CNTN5: variants seen among roughly 807,000 people sequenced by gnomAD.
CNTN5 encodes the protein contactin-5.
A neutral mutation model predicts 129.1 loss-of-function variants in CNTN5; 77 were observed. The ratio of observed to expected loss-of-function variants is 0.60; its 90% CI spans 0.50 to 0.72. The LOEUF is 0.72. CNTN5 is among the 30% of genes least tolerant of loss of function. The probability of loss-of-function intolerance (pLI) is 0.00; values close to 1 mark genes in which losing one functional copy is unlikely to be tolerated. For synonymous variants in CNTN5, 509 were observed against 465.6 expected, an observed-to-expected ratio of 1.09 and a Z score of -1.20; for missense variants, 1,478 against 1,328.8, an observed-to-expected ratio of 1.11 and a Z score of -1.75.
intron 8 of CNTN5, among the ~76,000 whole-genome samples, chr11:99,959,768 AT>A (rs199973243): frequency 0.016 from 2,429 of 152,336 alleles, 27 homozygotes; most frequent in Non-Finnish European, 0.024. Flanking sequence ...TAAGGTTGAC[AT>A]TTAACAAAAA....
intron 2 of CNTN5, among the ~76,000 whole-genome samples, chr11:99,471,944 T>A (rs553269596): frequency 1.3e-5 from 2 of 152,168 alleles, no homozygotes; most frequent in African/African-American, 4.8e-5. Flanking sequence ...TTGAATGAAT[T>A]AAGTTTCTAT....
chr11:100,111,108 A>G (rs1199266536), intron 13 of CNTN5, among the ~76,000 whole-genome samples: 13 of 152,128 alleles, frequency 8.5e-5, no homozygotes, highest in Admixed American at 8.5e-4. Context: ...GGAGAAATAC[A>G]TTGGATTTAA....
chr11:99,255,507 A>G (rs1862334036), intron 1 of CNTN5, among the ~76,000 whole-genome samples: 1 of 151,434 alleles, frequency 6.6e-6, no homozygotes, highest in Non-Finnish European at 1.5e-5. Flanking sequence ...TTAATTAAAT[A>G]AATACTTTAG....
intron 2 of CNTN5, among the ~76,000 whole-genome samples, chr11:99,552,207 G>GTTTTTTTTTT (rs758718492): frequency 2.7e-5 from 4 of 146,704 alleles, no homozygotes; most frequent in African/African-American, 1.0e-4. Context: ...CACCTGGTCA[G>GTTTTTTTTTT]TTTTTGTGTT....
At chr11:99,460,438 A>G (rs1944653658) in intron 2 of CNTN5, among the ~76,000 whole-genome samples, 1 of 151,950 alleles carries the variant, frequency 6.6e-6, no homozygotes, top group South Asian at 2.1e-4. Flanking sequence ...ATTTTCAGGA[A>G]AGACATATTT....
intron 1 of CNTN5, among the ~76,000 whole-genome samples, chr11:99,316,921 C>T (rs922264): frequency 0.15 from 22,092 of 152,094 alleles, 1,806 homozygotes; most frequent in South Asian, 0.24. Flanking sequence ...ACTCGACTGA[C>T]AGTACCTTCC....
chr11:100,147,805 A>T (rs926094254), intron 13 of CNTN5, among the ~76,000 whole-genome samples: 1 of 151,872 alleles, frequency 6.6e-6, no homozygotes, highest in African/African-American at 2.4e-5. Context: ...TGCTAATTTT[A>T]CCTTATGGTG....
Position 100,178,785 on chromosome 11 carries a change from T to G in CNTN5, c.1581-12341T>G, listed in dbSNP as rs551512233. 6.6e-4 allele frequency among the ~76,000 whole-genome samples: 101 copies of G among 152,296 alleles called. No individual in the cohort carries two copies. The Middle Eastern group carries it at 0.017, about 26-fold the overall frequency. On this transcript the variant is annotated intron_variant, in intron 13 of 24. Coordinates refer to ENST00000524871, the MANE Select transcript of CNTN5 (RefSeq NM_014361.4). ...ACAGTTTGATTTGGGATATTCTATTTTTCTCTATCTTGGTCACTGGAGAGG... is the reference window on the plus strand; with the variant it reads ...ACAGTTTGATTTGGGATATTCTATTGTTCTCTATCTTGGTCACTGGAGAGG...
At chr11:99,552,935 C>T (rs1050715555) in intron 2 of CNTN5, among the ~76,000 whole-genome samples, 6 of 152,046 alleles carry the variant, frequency 3.9e-5, no homozygotes, top group African/African-American at 1.4e-4. Context: ...TGACTTACTT[C>T]GTAGACATAT....
intron 9 of CNTN5, among the ~76,000 whole-genome samples, chr11:100,008,973 A>G (rs553079317): frequency 1.3e-5 from 2 of 152,236 alleles, no homozygotes; most frequent in Admixed American, 6.5e-5. Flanking sequence ...GAGCGTGCAT[A>G]TTAGTGCAGC....
intron 10 of CNTN5, among the ~76,000 whole-genome samples, chr11:100,063,838 T>G (rs1943587069): frequency 6.6e-6 from 1 of 152,038 alleles, no homozygotes. Context: ...GGTGAACCAT[T>G]ATAGTGCCTC....
At chr11:99,497,846 G>T (rs187928444) in intron 2 of CNTN5, among the ~76,000 whole-genome samples, 2 of 152,268 alleles carry the variant, frequency 1.3e-5, no homozygotes, top group East Asian at 3.9e-4. Flanking sequence ...AAAACTGCTT[G>T]TTAAATACAC....
chr11:99,122,165 T>C (rs568679152), intron 1 of CNTN5, among the ~76,000 whole-genome samples: 11 of 152,012 alleles, frequency 7.2e-5, no homozygotes, highest in Non-Finnish European at 1.6e-4. Flanking sequence ...TGTTCTTTTT[T>C]CTTCTTGCTA....
At chr11:99,040,213 T>C (rs573724517) in intron 1 of CNTN5, among the ~76,000 whole-genome samples, 4 of 151,990 alleles carry the variant, frequency 2.6e-5, no homozygotes, top group South Asian at 4.2e-4. Context: ...GAGATAAAGA[T>C]AGGAAAAATA....
intron 3 of CNTN5, among the ~76,000 whole-genome samples, chr11:99,576,426 T>C (rs916179604): frequency 1.3e-5 from 2 of 152,190 alleles, no homozygotes; most frequent in African/African-American, 4.8e-5. Context: ...TACTTGGATA[T>C]TTTCTCCTTA....
chr11:99,601,883 A>G (rs1591346127), intron 3 of CNTN5, among the ~76,000 whole-genome samples: 1 of 152,326 alleles, frequency 6.6e-6, no homozygotes, highest in South Asian at 2.1e-4. Context: ...TTTGCTCAAT[A>G]GTAGAGAGTA....
intron 9 of CNTN5, 131 bp downstream of exon 9, chr11:100,002,267 A>G: frequency 1.8e-6 from 1 of 563,590 alleles, no homozygotes; most frequent in Non-Finnish European, 3.0e-6. Flanking sequence ...TTTCTAAAAG[A>G]AGGTCAAATG....
At chr11:99,286,792 A>G (rs991210553) in intron 1 of CNTN5, among the ~76,000 whole-genome samples, 1 of 152,196 alleles carries the variant, frequency 6.6e-6, no homozygotes, top group Admixed American at 6.5e-5. Context: ...AAATACAAAA[A>G]GAAACTTTAT....
chr11:99,121,656 G>T (rs1858335740), intron 1 of CNTN5, among the ~76,000 whole-genome samples: 2 of 152,172 alleles, frequency 1.3e-5, no homozygotes, highest in Non-Finnish European at 2.9e-5. Flanking sequence ...GGTAAAATAT[G>T]TTCTGATCCA....
Sources: allele counts gnomAD v4.1 joint callset (sites outside exome capture counted in the v4.1 genomes callset), GRCh38; gene constraint gnomAD v4.1.1; transcripts MANE v1.5; gene names NCBI Gene and HGNC (gene_info 2026-07-23, HGNC 2026-07-21).